The following GLRA2 variants were observed in gnomAD, a reference collection of about 807,000 sequenced individuals.
The protein encoded by GLRA2 is glycine receptor subunit alpha-2.
In GLRA2, 11 loss-of-function variants were observed where a neutral mutation model predicts 31.6. The ratio of observed to expected loss-of-function variants is 0.35; its 90% CI spans 0.22 to 0.58. The LOEUF (loss-of-function observed/expected upper bound fraction) is 0.58, where lower values mean the gene tolerates loss of function less well. Among genes scored for constraint, GLRA2 ranks in the 20% least tolerant of loss-of-function variants. The pLI is 0.84. For missense variants in GLRA2, 212 were observed against 351.8 expected, an observed-to-expected ratio of 0.60 and a Z score of 3.18; for synonymous variants, 132 against 134.0, an observed-to-expected ratio of 0.99 and a Z score of 0.10.
At chrX:14,559,501 C>T (rs2089697407) in intron 2 of GLRA2, among the ~76,000 whole-genome samples, 1 of 96,942 alleles carries the variant, frequency 1.0e-5, no homozygotes. Context: ...CTGCAACCTC[C>T]ACCCCACTGG....
chrX:14,655,488 G>T (rs901918695), intron 7 of GLRA2, among the ~76,000 whole-genome samples: 3 of 111,357 alleles, frequency 2.7e-5, no homozygotes, highest in African/African-American at 9.8e-5. Flanking sequence ...ACTTGGAAAG[G>T]TTATGGCCAG....
the GLRA2 span, among the ~76,000 whole-genome samples, chrX:14,483,391 A>T: frequency 8.9e-6 from 1 of 112,173 alleles, no homozygotes; most frequent in African/African-American, 3.2e-5. Flanking sequence ...ACGTGACTAT[A>T]CCTCAATTTC....
intron 7 of GLRA2, among the ~76,000 whole-genome samples, chrX:14,688,227 C>T (rs1342103594): frequency 9.0e-6 from 1 of 111,538 alleles, no homozygotes; most frequent in Non-Finnish European, 1.9e-5. Flanking sequence ...GGGTGCCTCC[C>T]AGTTAGGCTA....
At chrX:14,583,360 C>T (rs774387723) in intron 4 of GLRA2, among the ~76,000 whole-genome samples, 1 of 112,624 alleles carries the variant, frequency 8.9e-6, no homozygotes, top group Admixed American at 9.4e-5. Context: ...GACACATGCA[C>T]GTGTATGTAT....
the GLRA2 span, among the ~76,000 whole-genome samples, chrX:14,461,021 C>T: frequency 8.9e-6 from 1 of 111,794 alleles, no homozygotes; most frequent in African/African-American, 3.3e-5. Context: ...CCTCTACACA[C>T]TGCTTTAAAT....
At chrX:14,581,140 G>A (rs370972754) in intron 3 of GLRA2, 43 bp from the exon 4 acceptor site, 364 of 779,888 alleles carry the variant, frequency 4.7e-4, no homozygotes, top group Non-Finnish European at 2.0e-4. Flanking sequence ...TAGAACTCCT[G>A]TGCCAGGGTA....
At chrX:14,484,534 T>A in the GLRA2 span, among the ~76,000 whole-genome samples, 3 of 112,413 alleles carry the variant, frequency 2.7e-5, no homozygotes, top group Non-Finnish European at 5.6e-5. Context: ...TGAATGATTT[T>A]ACATAAAGAA....
chrX:14,656,877 C>T (rs61301538), intron 7 of GLRA2, among the ~76,000 whole-genome samples: 41 of 111,655 alleles, frequency 3.7e-4, no homozygotes, highest in African/African-American at 1.1e-3. Context: ...AGTGTTGGAG[C>T]GTGGTAAATT....
At chrX:14,644,970 T>C (rs1337090506) in intron 7 of GLRA2, among the ~76,000 whole-genome samples, 1 of 112,113 alleles carries the variant, frequency 8.9e-6, no homozygotes, top group African/African-American at 3.2e-5. Flanking sequence ...GTAAATGCTG[T>C]TCACGGTTGG....
Position 14,532,284 on chromosome X carries a change from T to C in GLRA2, c.114T>C (p.Pro38=). 1 of 1,188,154 alleles carries C rather than the reference T, an allele frequency of 8.4e-7. No individual in the cohort carries two copies. The highest frequency in any genetic ancestry group is 1.7e-5 in the African/African-American group (1 of 57,238). The change falls in exon 2 of 9, where the codon CCT becomes CCC. Residue 38 remains proline, a synonymous_variant. Transcript: ENST00000218075. ...ATGACTCCAGGTCTGGAAAACAACC[T>C]TCACAGACCCTATCTCCTTCAGATT... The part of the protein sequence containing the change: ...KDHDSRSGKQ[P]SQTLSPSDFL...
At chrX:14,699,801 CAT>C (rs1569524202) in intron 8 of GLRA2, among the ~76,000 whole-genome samples, 1 of 111,721 alleles carries the variant, frequency 9.0e-6, no homozygotes, top group Non-Finnish European at 1.9e-5. Flanking sequence ...TTAGATTCCA[CAT>C]ATGAGTGAGA....
rs1186321407 is a variant in GLRA2 at position 14,731,772 on chromosome X, AAGC to A, written c.*1289_*1291del. 8.9e-6 allele frequency: 1 copy of A among 112,097 alleles called. No homozygotes were observed. Among genetic ancestry groups the A allele is most frequent in the Admixed American group, 9.5e-5 (1 of 10,537 alleles). 9.2% of individuals were successfully genotyped at this position (112,097 alleles called of 1,213,427 possible). ...GTGCTGTACAAGGGGTTATTTTAAA[AAGC>A]ATTTGTTCAATTTCAATAAAGCTAA... On this transcript the variant is annotated 3_prime_UTR_variant, in exon 9 of 9. Coordinates refer to ENST00000218075, the MANE Select transcript of GLRA2 (RefSeq NM_002063.4).
chrX:14,604,358 C>A lies in GLRA2; in HGVS notation c.538C>A (p.Pro180Thr). The change falls in exon 5 of 9, where the codon CCG (proline) becomes ACG (threonine). Residue 180 changes from proline (P) to threonine (T), a missense_variant. Physicochemically the swap from Pro to Thr is conservative, Grantham distance 38. This residue lies in a region of GLRA2 where 110 missense variants were observed against 232.6 expected (regional missense o/e 0.47). Transcript: ENST00000218075. Reference protein sequence around the residue: ...LSCPMDLKNFPMDVQTCTMQL... With the variant: ...LSCPMDLKNFTMDVQTCTMQL... ...CTGTCCCATGGACTTGAAGAACTTT[C>A]CGATGGATGTCCAGACCTGTACAAT... 1 of 1,177,053 alleles carries A rather than the reference C, an allele frequency of 8.5e-7. No homozygotes were observed. Among genetic ancestry groups the A allele is most frequent in the South Asian group, 1.8e-5 (1 of 56,200 alleles).
chrX:14,510,079 AG>A, the GLRA2 span, among the ~76,000 whole-genome samples: 1 of 111,707 alleles, frequency 9.0e-6, no homozygotes, highest in African/African-American at 3.3e-5. Context: ...TAAATTAGAG[AG>A]GATTTATTAA....
At chrX:14,687,467 A>G in intron 7 of GLRA2, among the ~76,000 whole-genome samples, 1 of 111,159 alleles carries the variant, frequency 9.0e-6, no homozygotes, top group Non-Finnish European at 1.9e-5. Flanking sequence ...TGGTCTTTTC[A>G]CATAGTCTCA....
chrX:14,487,805 G>C, the GLRA2 span, among the ~76,000 whole-genome samples: 1 of 111,750 alleles, frequency 8.9e-6, no homozygotes, highest in African/African-American at 3.3e-5. Context: ...CTACTTTCTA[G>C]GTCCTTTACC....
At chrX:14,451,821 C>G in the GLRA2 span, among the ~76,000 whole-genome samples, 74 of 110,113 alleles carry the variant, frequency 6.7e-4, no homozygotes, top group Non-Finnish European at 9.1e-4. Context: ...TATTTTATAT[C>G]AGATAAATCA....
rs1287214594 is a variant in GLRA2, at chrX:14,612,109, G to C, written c.930+2904G>C. Among the ~76,000 whole-genome samples the C allele has an allele frequency of 2.7e-5, 3 of 111,236 alleles. No homozygotes were observed. In the East Asian group the frequency reaches 8.6e-4, roughly 32 times the overall value. On this transcript the variant is annotated intron_variant, in intron 7 of 8. Coordinates refer to ENST00000218075, the MANE Select transcript of GLRA2 (RefSeq NM_002063.4). Reference sequence around the variant, plus strand: ...TCTCAAGCAGACTTTGCAAAGTTAAGAATATATGAACAAATTTACAAGAAA... The same window carrying C: ...TCTCAAGCAGACTTTGCAAAGTTAACAATATATGAACAAATTTACAAGAAA...
intron 8 of GLRA2, among the ~76,000 whole-genome samples, chrX:14,721,001 C>A (rs1324897236): frequency 9.2e-6 from 1 of 108,982 alleles, no homozygotes; most frequent in Non-Finnish European, 1.9e-5. Flanking sequence ...TGGCACATGA[C>A]CCGTCCACCT....
Sources: gnomAD v4.1 joint callset for allele counts (sites outside exome capture counted in the v4.1 genomes callset) on GRCh38, gnomAD v4.1.1 for gene constraint, gnomAD v4.1.1 regional missense constraint, MANE v1.5 for transcripts, NCBI Gene and HGNC (gene_info 2026-07-23, HGNC 2026-07-21) for gene names.